Variants in SLC17A3 observed in about 807,000 individuals in gnomAD.
SLC17A3 encodes sodium-dependent phosphate transport protein 4.
A neutral mutation model predicts 60.3 loss-of-function variants in SLC17A3; 61 were observed. The observed-to-expected ratio is 1.01, with a 90% CI of 0.82 to 1.25. The LOEUF (loss-of-function observed/expected upper bound fraction) is 1.25. Ranked by LOEUF, SLC17A3 falls within the 50% of genes most tolerant of loss-of-function variation. SLC17A3 has a pLI of 0.00. For missense variants in SLC17A3, 624 were observed against 594.9 expected (o/e 1.05, Z -0.51); for synonymous variants, 192 against 208.9 (o/e 0.92, Z 0.70).
intron 2 of SLC17A3, among the ~76,000 whole-genome samples, chr6:25,863,848 C>T (rs182607004): frequency 7.4e-4 from 112 of 152,126 alleles, no homozygotes; most frequent in African/African-American, 2.2e-3. Flanking sequence ...AATCAATCAT[C>T]GAACAAAACA....
intron 6 of SLC17A3, among the ~76,000 whole-genome samples, chr6:25,852,695 T>C (rs1207610006): frequency 6.6e-6 from 1 of 152,222 alleles, no homozygotes. Flanking sequence ...ATGTCTCCAC[T>C]TAACTTTCTG....
At chr6:25,852,158 G>A (rs1315591089) in intron 6 of SLC17A3, among the ~76,000 whole-genome samples, 1 of 151,598 alleles carries the variant, frequency 6.6e-6, no homozygotes, top group Non-Finnish European at 1.5e-5. Flanking sequence ...TAAAGATGTT[G>A]TTCCACTGCC....
rs138836652 is a variant in SLC17A3 at position 25,868,374 on chromosome 6, G to C, written c.14C>G (p.Thr5Arg). The part of the protein sequence containing the change: MATK[T>R]ELSPTARESK... ...CTCCCTTGCTGTGGGACTCAACTCT[G>C]TCTTGGTGGCCATTGTGTTTCTCCT... Residue 5 changes from threonine to arginine, a missense_variant, in exon 2 of 13, where the codon ACA becomes AGA. By Grantham distance (71) the Thr-to-Arg change is moderately conservative. Coordinates refer to ENST00000397060, the MANE Select transcript of SLC17A3 (RefSeq NM_001098486.2). 6.2e-7 allele frequency: 1 copy of C among 1,611,900 alleles called. No individual in the cohort carries two copies. Among genetic ancestry groups the C allele is most frequent in the African/African-American group, 1.3e-5 (1 of 74,832 alleles).
At chr6:25,869,030 T>C (rs1156949015) in intron 1 of SLC17A3, among the ~76,000 whole-genome samples, 2 of 151,954 alleles carry the variant, frequency 1.3e-5, no homozygotes, top group Non-Finnish European at 2.9e-5. Context: ...GTGTCACTCA[T>C]AATTGGGGAC....
Position 25,862,361 on chromosome 6 carries a change from T to G in SLC17A3, c.175A>C (p.Met59Leu). ...NFTTIAQNVI[M>L]NITMVAMVNS... ...ACCATGGCTACCATGGTGATGTTCA[T>G]GATGACATTTTGTGCTATCGTTGTG... is the stretch of plus-strand genomic sequence containing the variant. Residue 59 changes from methionine to leucine, a missense_variant, in exon 3 of 13, where the codon ATG becomes CTG. Met to Leu is a conservative substitution (Grantham distance 15). Coordinates refer to ENST00000397060, the MANE Select transcript of SLC17A3 (RefSeq NM_001098486.2). 1.9e-6 allele frequency: 3 copies of G among 1,613,792 alleles called. No homozygotes were observed. Among genetic ancestry groups the G allele is most frequent in the Non-Finnish European group, 2.5e-6 (3 of 1,179,762 alleles).
In SLC17A3 at chr6:25,849,861, T is replaced by A; in HGVS notation, c.1215A>T (p.Gly405=). The change falls in exon 10 of 13, where the codon GGA becomes GGT. Residue 405 remains glycine (G), a synonymous_variant. Transcript: ENST00000397060. ...TCCCTGACTGACACAATGTGCTTAA[T>A]CCGCAAGAGAGCGTCAGCAAGGCAG... ...TATALLTLSC[G]LSTLCQSGIY... 1 of 1,614,094 alleles carries A rather than the reference T, an allele frequency of 6.2e-7. No individual in the cohort carries two copies. Among genetic ancestry groups the A allele is most frequent in the Non-Finnish European group, 8.5e-7 (1 of 1,179,922 alleles).
rs533432418 is a variant in SLC17A3, at chr6:25,861,924, C to T, written c.409G>A (p.Val137Ile). The T allele has an allele frequency of 3.8e-5, 62 of 1,612,820 alleles. No homozygotes were observed. In the South Asian group the frequency reaches 6.7e-4, roughly 17 times the overall value. ...ATGCCAACCACTCGCTTTGTTCCTA[C>T]TCTTCCAGCCAGGTATCCACTGGGA... Reference protein sequence around the residue: ...MAPSGYLAGRVGTKRVVGISL... With the variant: ...MAPSGYLAGRIGTKRVVGISL... Residue 137 changes from valine to isoleucine, a missense_variant, in exon 4 of 13, where the codon GTA (valine) becomes ATA (isoleucine). Physicochemically the swap from Val to Ile is conservative, Grantham distance 29. Coordinates refer to ENST00000397060, the MANE Select transcript of SLC17A3 (RefSeq NM_001098486.2).
chr6:25,862,302 A>C lies in SLC17A3; in HGVS notation c.234T>G (p.Asp78Glu). The change falls in exon 3 of 13, where the codon GAT becomes GAG. Residue 78 changes from aspartate to glutamate, a missense_variant. Coordinates refer to ENST00000397060, the MANE Select transcript of SLC17A3 (RefSeq NM_001098486.2). Reference sequence around the variant, plus strand: ...AGTCAACAGGCAGCACCTCAGAGGAATCATTGAGCTGGGATTGAGGGCTTG... The same window carrying C: ...AGTCAACAGGCAGCACCTCAGAGGACTCATTGAGCTGGGATTGAGGGCTTG... ...NSTSPQSQLN[D>E]SSEVLPVDSF... The C allele has an allele frequency of 5.0e-6, 8 of 1,613,796 alleles. No homozygotes were observed. Among genetic ancestry groups the C allele is most frequent in the Non-Finnish European group, 6.8e-6 (8 of 1,179,786 alleles).
chr6:25,861,261 T>C (rs897396166), intron 5 of SLC17A3, among the ~76,000 whole-genome samples: 16 of 152,106 alleles, frequency 1.1e-4, no homozygotes, highest in African/African-American at 3.9e-4. Context: ...CTCCCAAATG[T>C]CAGGAATTAA....
chr6:25,846,420 A>T (rs1001212968), intron 11 of SLC17A3, among the ~76,000 whole-genome samples: 2 of 152,218 alleles, frequency 1.3e-5, no homozygotes, highest in Non-Finnish European at 1.5e-5. Context: ...ATAACTTCCA[A>T]TGGATGAATC....
At chr6:25,849,546 A>T (rs1765235234) in intron 10 of SLC17A3, 82 bp from the exon 11 acceptor site, 1 of 859,310 alleles carries the variant, frequency 1.2e-6, no homozygotes, top group East Asian at 2.6e-5. Flanking sequence ...ATGAATCTAT[A>T]ACTCAATTAT....
intron 6 of SLC17A3, among the ~76,000 whole-genome samples, chr6:25,854,648 A>G (rs1765330551): frequency 6.6e-6 from 1 of 152,208 alleles, no homozygotes; most frequent in African/African-American, 2.4e-5. Context: ...CTCAATTTCT[A>G]ATAACTAAAT....
chr6:25,864,322 G>C (rs1765501102), intron 2 of SLC17A3, among the ~76,000 whole-genome samples: 1 of 151,908 alleles, frequency 6.6e-6, no homozygotes, highest in Non-Finnish European at 1.5e-5. Flanking sequence ...CAGCAGAAGG[G>C]GGACATGATA....
At chr6:25,850,250 CTAA>C (rs1406576955) in intron 8 of SLC17A3, 73 bp from the exon 9 acceptor site, 3 of 1,479,082 alleles carry the variant, frequency 2.0e-6, no homozygotes, top group Admixed American at 1.9e-5. Context: ...TAAATTACTA[CTAA>C]TAATAATGAC....
At chr6:25,858,909 T>C (rs949543655) in intron 5 of SLC17A3, among the ~76,000 whole-genome samples, 1 of 152,244 alleles carries the variant, frequency 6.6e-6, no homozygotes. Flanking sequence ...ATATATATGT[T>C]CATATCTAAA....
chr6:25,861,732 G>A, intron 4 of SLC17A3, 21 bp from the exon 5 acceptor site: 2 of 1,611,772 alleles, frequency 1.2e-6, no homozygotes, highest in African/African-American at 2.7e-5. Context: ...AATGATTAGA[G>A]TTCTTAATGT....
In SLC17A3 at chr6:25,849,948, A is replaced by G; in HGVS notation, c.1128T>C (p.Ser376=). Residue 376 remains serine, a synonymous_variant, in exon 10 of 13, where the codon AGT becomes AGC. Transcript: ENST00000397060. ...ACACAATGAGTGCTGAAGAGGGGAG[A>G]CTTCCTAGGAAATGAAGAAGAAACC... ...TVRKIATILG[S]LPSSALIVSL... The G allele has an allele frequency of 1.9e-6, 3 of 1,613,944 alleles. No homozygotes were observed. Among genetic ancestry groups the G allele is most frequent in the Non-Finnish European group, 2.5e-6 (3 of 1,179,846 alleles).
chr6:25,845,646 G>A lies in SLC17A3; in HGVS notation c.1363-130C>T, dbSNP rs190313054. Reference sequence around the variant, plus strand: ...GAAATTCATTTCCTGAAAGTGGCTTGATAGTTAAATGCAAAGGATTTCAAA... The same window carrying A: ...GAAATTCATTTCCTGAAAGTGGCTTAATAGTTAAATGCAAAGGATTTCAAA... On this transcript the variant is annotated intron_variant, in intron 11 of 12. Transcript: ENST00000397060. 8 of 1,047,624 alleles carry A rather than the reference G, an allele frequency of 7.6e-6. No individual in the cohort carries two copies. In the East Asian group the frequency reaches 2.0e-4, roughly 27 times the overall value. The allele number at this position is 1,047,624 out of a possible 1,614,324, so 64.9% of individuals were successfully genotyped here.
intron 11 of SLC17A3, among the ~76,000 whole-genome samples, chr6:25,847,118 CCTT>C (rs1006706954): frequency 1.3e-5 from 2 of 152,056 alleles, no homozygotes; most frequent in Non-Finnish European, 2.9e-5. Context: ...TTGTTCCCCT[CCTT>C]GTGTCCATGA....
Sources: allele counts gnomAD v4.1 joint callset (sites outside exome capture counted in the v4.1 genomes callset), GRCh38; gene constraint gnomAD v4.1.1; transcripts MANE v1.5; gene names NCBI Gene and HGNC (gene_info 2026-07-23, HGNC 2026-07-21).